The following MAGEA11 variants were observed in gnomAD, a reference collection of about 807,000 sequenced individuals.
The protein encoded by MAGEA11 is melanoma-associated antigen 11.
Under a neutral mutation model 8.4 loss-of-function variants are expected in MAGEA11, and 1 was observed. The ratio of observed to expected loss-of-function variants is 0.12; its 90% confidence interval spans 0.04 to 0.57. The LOEUF is 0.57. Among genes scored for constraint, MAGEA11 ranks in the 20% least tolerant of loss-of-function variants. The probability of loss-of-function intolerance (pLI) is 0.91; values close to 1 mark genes in which losing one functional copy is unlikely to be tolerated. For missense variants in MAGEA11, 209 were observed against 317.3 expected, an observed-to-expected ratio of 0.66 and a Z score of 2.59; for synonymous variants, 127 against 119.3, an observed-to-expected ratio of 1.06 and a Z score of -0.42.
chrX:149,716,276 T>C lies in MAGEA11; in HGVS notation c.790T>C (p.Phe264Leu), dbSNP rs960330821. ...KNYEDYFPEI[F>L]REASVCMQLL... ...TTATGAGGACTACTTTCCTGAGATA[T>C]TTAGGGAAGCCTCTGTATGCATGCA... is the stretch of plus-strand genomic sequence containing the variant. Residue 264 changes from phenylalanine (F) to leucine (L), a missense_variant, in exon 5 of 5, where the codon TTT becomes CTT. Physicochemically the swap from Phe to Leu is conservative, Grantham distance 22. This residue lies in a region of MAGEA11 where 78 missense variants were observed against 178.8 expected (regional missense o/e 0.44). Coordinates refer to ENST00000355220, the MANE Select transcript of MAGEA11 (RefSeq NM_005366.5). 1 of 1,210,138 alleles carries C rather than the reference T, an allele frequency of 8.3e-7. No individual in the cohort carries two copies. Among genetic ancestry groups the C allele is most frequent in the Non-Finnish European group, 1.1e-6 (1 of 895,202 alleles).
upstream of MAGEA11, among the ~76,000 whole-genome samples, chrX:149,710,894 G>T (rs2090397208): frequency 8.9e-6 from 1 of 111,846 alleles, no homozygotes; most frequent in Admixed American, 9.5e-5. Context: ...AAAAAAACAT[G>T]AGAGAGCCCT....
At position 149,689,571 on chromosome X, in the gene MAGEA11, T is replaced by G. The variant is rs193105705; in HGVS notation, c.9+587T>G. On this transcript the variant is annotated intron_variant, in intron 1 of 3. Coordinates refer to the MAGEA11 transcript ENST00000333104. ...TCGCCCAGCATCCTTTCTCCCTCCT[T>G]TAGGCAGTGGGCCCTGATGCCTTAC... Among the ~76,000 whole-genome samples the G allele has an allele frequency of 3.9e-3, 433 of 112,412 alleles. 2 individuals carry two copies. Among genetic ancestry groups the G allele is most frequent in the African/African-American group, 0.013 (407 of 30,932 alleles).
chrX:149,701,106 G>A (rs376592983), intron 1 of MAGEA11, among the ~76,000 whole-genome samples: 1 of 111,705 alleles, frequency 9.0e-6, no homozygotes, highest in Non-Finnish European at 1.9e-5. Flanking sequence ...GGGTCAGATG[G>A]TATTTCTAGT....
At chrX:149,711,990 G>T (rs1306333670), upstream of MAGEA11, 35 of 718,841 alleles carry the variant, frequency 4.9e-5, no homozygotes, top group Non-Finnish European at 5.5e-5. Flanking sequence ...GCCCCCACAC[G>T]GGCAGAATCG....
chrX:149,693,619 A>G (rs1181575612), intron 1 of MAGEA11, among the ~76,000 whole-genome samples: 2 of 112,286 alleles, frequency 1.8e-5, no homozygotes, highest in Non-Finnish European at 1.9e-5. Flanking sequence ...GTATGATTCC[A>G]TCATTTCACT....
intron 1 of MAGEA11, among the ~76,000 whole-genome samples, chrX:149,691,810 G>A (rs2090311730): frequency 8.9e-6 from 1 of 112,724 alleles, no homozygotes; most frequent in Admixed American, 9.4e-5. Context: ...CTTTCCTGCT[G>A]TGTACTCTGC....
chrX:149,713,071 AGGG>A, intron 1 of MAGEA11, 69 bp from the exon 2 acceptor site: 1 of 638,928 alleles, frequency 1.6e-6, no homozygotes, highest in Non-Finnish European at 2.5e-6. Flanking sequence ...GGACAACTGA[AGGG>A]ACCCAGCACC....
intron 1 of MAGEA11, among the ~76,000 whole-genome samples, chrX:149,694,293 T>C (rs2090321695): frequency 8.9e-6 from 1 of 112,467 alleles, no homozygotes; most frequent in African/African-American, 3.2e-5. Context: ...GTGATTTTGA[T>C]TTGTGTTTCC....
Position 149,698,005 on chromosome X carries a change from C to T in MAGEA11, c.9+9021C>T, listed in dbSNP as rs374000806. On this transcript the variant is annotated intron_variant, in intron 1 of 3. Coordinates refer to the MAGEA11 transcript ENST00000333104. Reference sequence around the variant, plus strand: ...AAGTTTTCTGAGTCCTCCTCAGCCACGTGGAACTATTAATCAATTAAACCT... The same window carrying T: ...AAGTTTTCTGAGTCCTCCTCAGCCATGTGGAACTATTAATCAATTAAACCT... Among the ~76,000 whole-genome samples the T allele has an allele frequency of 3.0e-4, 34 of 112,445 alleles. No individual in the cohort carries two copies. In the East Asian group the frequency reaches 3.1e-3, roughly 10 times the overall value.
intron 1 of MAGEA11, among the ~76,000 whole-genome samples, chrX:149,703,925 A>G (rs1490055762): frequency 6.2e-5 from 7 of 112,108 alleles, no homozygotes; most frequent in African/African-American, 2.3e-4. Flanking sequence ...TACAGATGAA[A>G]AAACTGAAGT....
intron 1 of MAGEA11, among the ~76,000 whole-genome samples, chrX:149,705,399 T>C (rs782331179): frequency 8.9e-6 from 1 of 112,220 alleles, no homozygotes; most frequent in Non-Finnish European, 1.9e-5. Context: ...GTCATCCACG[T>C]AAGATGTGAC....
intron 2 of MAGEA11, chrX:149,714,189 T>G: frequency 3.4e-6 from 1 of 297,158 alleles, no homozygotes. Flanking sequence ...CTTGGCTGTG[T>G]GGGGACCTCA....
chrX:149,713,565 G>T (rs2090412956), intron 2 of MAGEA11: 2 of 234,126 alleles, frequency 8.5e-6, no homozygotes, highest in South Asian at 1.3e-4. Context: ...CCACAGTTCA[G>T]CAGGAGAGAC....
upstream of MAGEA11, among the ~76,000 whole-genome samples, chrX:149,709,114 G>A (rs1271719264): frequency 9.2e-5 from 10 of 108,945 alleles, no homozygotes; most frequent in East Asian, 2.9e-4. Context: ...GTGAAACCCC[G>A]TCTCTACTAA....
chrX:149,694,325 C>A (rs2090321797), intron 1 of MAGEA11, among the ~76,000 whole-genome samples: 1 of 112,282 alleles, frequency 8.9e-6, no homozygotes, highest in Non-Finnish European at 1.9e-5. Flanking sequence ...CGATGTTGAG[C>A]ACCTTTTCAT....
chrX:149,711,719 A>G, upstream of MAGEA11: 1 of 471,765 alleles, frequency 2.1e-6, no homozygotes, highest in Non-Finnish European at 2.6e-6. Flanking sequence ...GACCTTGGCA[A>G]TGTTGTCCCC....
chrX:149,693,697 C>T (rs1393661428), intron 1 of MAGEA11, among the ~76,000 whole-genome samples: 2 of 112,076 alleles, frequency 1.8e-5, no homozygotes, highest in Non-Finnish European at 3.8e-5. Flanking sequence ...CAAGAGAAAA[C>T]ACCTCCTCAT....
chrX:149,694,973 G>A (rs1005450438), intron 1 of MAGEA11, among the ~76,000 whole-genome samples: 2 of 111,516 alleles, frequency 1.8e-5, no homozygotes, highest in Admixed American at 1.9e-4. Flanking sequence ...TGCCCACCTT[G>A]GATTTCCAAA....
At chrX:149,703,652 A>G (rs782094464) in intron 1 of MAGEA11, among the ~76,000 whole-genome samples, 235 of 112,577 alleles carry the variant, frequency 2.1e-3, no homozygotes, top group African/African-American at 7.2e-3. Flanking sequence ...TATACAGCTC[A>G]AAGATGTGGG....
Sources: gnomAD v4.1 joint callset for allele counts (sites outside exome capture counted in the v4.1 genomes callset) on GRCh38, gnomAD v4.1.1 for gene constraint, gnomAD v4.1.1 regional missense constraint, MANE v1.5 for transcripts, NCBI Gene and HGNC (gene_info 2026-07-23, HGNC 2026-07-21) for gene names.